The following SH3D19 variants were observed in gnomAD, a reference collection of about 807,000 sequenced individuals.
SH3D19 encodes the protein SH3 domain containing 19.
SH3D19 carries 58 observed loss-of-function variants against 112.1 expected under a neutral mutation model. The observed-to-expected ratio is 0.52, with a 90% confidence interval of 0.42 to 0.64. The LOEUF is 0.64. Among genes scored for constraint, SH3D19 ranks in the 30% least tolerant of loss-of-function variants. The pLI, the probability that SH3D19 is intolerant of heterozygous loss-of-function variation, is 0.00. For missense variants in SH3D19, 1,090 were observed against 1,263.4 expected (o/e 0.86, Z 2.08); for synonymous variants, 391 against 448.5 (o/e 0.87, Z 1.62).
At chr4:151,269,251 G>C (rs1166362007) in intron 1 of SH3D19, among the ~76,000 whole-genome samples, 5 of 152,292 alleles carry the variant, frequency 3.3e-5, no homozygotes, top group Admixed American at 3.3e-4. Context: ...TTTGAAAAGT[G>C]TCTGTTCATG....
intron 2 of SH3D19, among the ~76,000 whole-genome samples, chr4:151,195,175 C>T (rs1466381019): frequency 4.0e-5 from 6 of 150,992 alleles, no homozygotes; most frequent in African/African-American, 9.7e-5. Context: ...TCGAGACCAT[C>T]CTGGCTAACA....
intron 2 of SH3D19, 36 bp downstream of exon 2, chr4:151,226,011 C>T (rs1337622076): frequency 1.2e-5 from 15 of 1,211,906 alleles, no homozygotes; most frequent in Non-Finnish European, 1.5e-5. Flanking sequence ...AAATAAGAAG[C>T]TTTATACAGA....
intron 1 of SH3D19, among the ~76,000 whole-genome samples, chr4:151,316,633 T>C (rs79079728): frequency 2.0e-5 from 3 of 152,126 alleles, no homozygotes; most frequent in East Asian, 1.9e-4. Flanking sequence ...GGAACAAATT[T>C]TTTTTCCCTT....
intron 1 of SH3D19, among the ~76,000 whole-genome samples, chr4:151,236,170 C>T (rs538072484): frequency 2.6e-5 from 4 of 152,386 alleles, no homozygotes; most frequent in East Asian, 1.9e-4. Context: ...TTCAGCCTGC[C>T]GCTGCGCTGT....
chr4:151,284,523 G>C (rs1244918154), intron 1 of SH3D19, among the ~76,000 whole-genome samples: 1 of 152,062 alleles, frequency 6.6e-6, no homozygotes, highest in Admixed American at 6.5e-5. Context: ...TATAATAGTT[G>C]CTTTAAATCC....
At chr4:151,210,998 G>A (rs138824922) in intron 2 of SH3D19, among the ~76,000 whole-genome samples, 1 of 152,186 alleles carries the variant, frequency 6.6e-6, no homozygotes, top group East Asian at 1.9e-4. Flanking sequence ...CAGCCGTCAG[G>A]AGTTCGAGAC....
intron 17 of SH3D19, among the ~76,000 whole-genome samples, chr4:151,131,551 A>G (rs1368004889): frequency 6.6e-6 from 1 of 150,392 alleles, no homozygotes; most frequent in Non-Finnish European, 1.5e-5. Context: ...CAGTGGCGCA[A>G]TCTTGGCTCA....
At chr4:151,129,913 C>A (rs1406465341) in intron 17 of SH3D19, among the ~76,000 whole-genome samples, 1 of 152,230 alleles carries the variant, frequency 6.6e-6, no homozygotes. Context: ...CACTAACCCC[C>A]TCTTGCTCCT....
intron 17 of SH3D19, among the ~76,000 whole-genome samples, chr4:151,131,926 C>T (rs779454006): frequency 3.9e-5 from 6 of 152,136 alleles, no homozygotes; most frequent in African/African-American, 1.4e-4. Context: ...CAGGTTCAAG[C>T]TATTTTCCTG....
intron 1 of SH3D19, among the ~76,000 whole-genome samples, chr4:151,311,124 C>T (rs1330563676): frequency 6.6e-6 from 1 of 150,830 alleles, no homozygotes; most frequent in East Asian, 2.0e-4. Flanking sequence ...TGTATGTATA[C>T]ATATATACAT....
At chr4:151,197,358 C>G (rs1247754835) in intron 2 of SH3D19, among the ~76,000 whole-genome samples, 1 of 152,210 alleles carries the variant, frequency 6.6e-6, no homozygotes, top group Non-Finnish European at 1.5e-5. Context: ...CCACACCCAG[C>G]CTTCTAATTT....
intron 1 of SH3D19, among the ~76,000 whole-genome samples, chr4:151,226,932 T>C (rs577062619): frequency 6.6e-6 from 1 of 152,174 alleles, no homozygotes; most frequent in Non-Finnish European, 1.5e-5. Flanking sequence ...TTTTTGAACC[T>C]GAGTAACAAT....
chr4:151,170,616 T>A (rs865785640), intron 7 of SH3D19: 4 of 152,318 alleles, frequency 2.6e-5, no homozygotes, highest in South Asian at 2.1e-4. Context: ...TTTATTATTT[T>A]AAAAATTTTT....
chr4:151,200,699 T>C (rs946927995), intron 2 of SH3D19, among the ~76,000 whole-genome samples: 2 of 152,232 alleles, frequency 1.3e-5, no homozygotes, highest in African/African-American at 4.8e-5. Flanking sequence ...AAAAGCATGT[T>C]ATATGTGGAG....
intron 2 of SH3D19, among the ~76,000 whole-genome samples, chr4:151,196,728 T>C (rs1763526912): frequency 6.6e-6 from 1 of 151,852 alleles, no homozygotes; most frequent in Non-Finnish European, 1.5e-5. Flanking sequence ...GGAGAAAATC[T>C]TCACAATCTA....
chr4:151,268,445 T>A (rs60926819), intron 1 of SH3D19, among the ~76,000 whole-genome samples: 13,660 of 151,976 alleles, frequency 0.09, 750 homozygotes, highest in East Asian at 0.21. Flanking sequence ...AGTGTATTTT[T>A]TTATTATTAT....
chr4:151,267,607 C>T (rs1772911424), intron 1 of SH3D19, among the ~76,000 whole-genome samples: 2 of 152,022 alleles, frequency 1.3e-5, no homozygotes, highest in African/African-American at 4.8e-5. Flanking sequence ...ATCCTGCAAA[C>T]AAAGTATCAA....
intron 1 of SH3D19, among the ~76,000 whole-genome samples, chr4:151,240,782 A>G (rs1770488998): frequency 6.6e-6 from 1 of 152,004 alleles, no homozygotes; most frequent in Non-Finnish European, 1.5e-5. Flanking sequence ...CAGAAATTCT[A>G]CTCAGGTTTA....
rs917611502 is a variant in SH3D19 at position 151,325,414 on chromosome 4, C to G, written c.-62G>C. On this transcript the variant is annotated 5_prime_UTR_variant, in exon 1 of 20. Coordinates refer to ENST00000604030, the MANE Select transcript of SH3D19 (RefSeq NM_001378122.1). ...GAGCTGCGGCCCCGGCGCCCCAGAA[C>G]GCCTGCACCCGGCGCCCCACGCCAC... The G allele has an allele frequency of 1.5e-5, 13 of 871,172 alleles. No individual in the cohort carries two copies. In the East Asian group the frequency reaches 3.6e-4, roughly 24 times the overall value. The allele number at this position is 871,172 out of a possible 1,614,324, so 54.0% of individuals were successfully genotyped here.
Sources: allele counts gnomAD v4.1 joint callset (sites outside exome capture counted in the v4.1 genomes callset), GRCh38; gene constraint gnomAD v4.1.1; transcripts MANE v1.5; gene names NCBI Gene and HGNC (gene_info 2026-07-23, HGNC 2026-07-21).